MCRIP1: variants seen among roughly 807,000 people sequenced by gnomAD.
MCRIP1 encodes the protein MAPK regulated corepressor interacting protein 1, also known as mapk-regulated corepressor-interacting protein 1.
MCRIP1 carries 10 observed loss-of-function variants against 14.4 expected under a neutral mutation model. The ratio of observed to expected loss-of-function variants is 0.70; its 90% CI spans 0.43 to 1.18. The LOEUF (loss-of-function observed/expected upper bound fraction) is 1.18. Ranked by LOEUF, MCRIP1 falls within the 50% of genes most tolerant of loss-of-function variation. The probability of loss-of-function intolerance (pLI) is 0.00; values close to 1 mark genes in which losing one functional copy is unlikely to be tolerated. For synonymous variants in MCRIP1, 53 were observed against 55.7 expected, an observed-to-expected ratio of 0.95 and a Z score of 0.21; for missense variants, 119 against 135.4, an observed-to-expected ratio of 0.88 and a Z score of 0.60.
intron 1 of MCRIP1, among the ~76,000 whole-genome samples, chr17:81,827,905 C>G (rs1371050133): frequency 6.6e-6 from 1 of 150,848 alleles, no homozygotes; most frequent in Non-Finnish European, 1.5e-5. Flanking sequence ...CTCAGCCTCT[C>G]GAGTCGCTGG....
intron 1 of MCRIP1, among the ~76,000 whole-genome samples, chr17:81,831,822 TC>T (rs1324141983): frequency 3.3e-5 from 5 of 152,278 alleles, no homozygotes; most frequent in East Asian, 3.9e-4. Flanking sequence ...GTTTCTGGAC[TC>T]CCTGAAAGAC....
chr17:81,823,480 T>C lies in MCRIP1; in HGVS notation c.161A>G (p.Gln54Arg). The change falls in exon 4 of 5, where the codon CAG (glutamine) becomes CGG (arginine). Residue 54 changes from glutamine (Q) to arginine (R), a missense_variant. Physicochemically the swap from Gln to Arg is conservative, Grantham distance 43. Transcript: ENST00000455127. The surrounding 1 kb of genome is among the most constrained non-coding windows in gnomAD (Gnocchi z 6.0). ...CAGGCCCCGCTCGCCACCCGGCACC[T>C]GGCCTCGCAGGTCTCGCTCCACACC... is the stretch of plus-strand genomic sequence containing the variant. ...WQGVERDLRG[Q>R]VPGGERGLVE... 1 of 1,536,520 alleles carries C rather than the reference T, an allele frequency of 6.5e-7. No homozygotes were observed. The highest frequency in any genetic ancestry group is 8.7e-7 in the Non-Finnish European group (1 of 1,146,754).
intron 1 of MCRIP1, chr17:81,825,505 C>T: frequency 8.1e-7 from 1 of 1,231,202 alleles, no homozygotes; most frequent in Non-Finnish European, 1.0e-6. Context: ...CCCAGAGGCC[C>T]AAGGCTGCAG....
At chr17:81,826,680 G>T (rs145535411) in intron 1 of MCRIP1, 1 of 384,104 alleles carries the variant, frequency 2.6e-6, no homozygotes, top group East Asian at 5.1e-5. Context: ...TTAGTTGGGC[G>T]TGGTGGCAGG....
chr17:81,825,978 C>T (rs1308485997), intron 1 of MCRIP1: 9 of 1,331,364 alleles, frequency 6.8e-6, no homozygotes, highest in Admixed American at 4.5e-5. Flanking sequence ...CCCCCTGCCT[C>T]GCCCCCTGCT....
chr17:81,825,458 A>G (rs2038370975), intron 1 of MCRIP1: 2 of 1,195,448 alleles, frequency 1.7e-6, no homozygotes, highest in Admixed American at 6.9e-5. Context: ...CAGGATTCCC[A>G]GGAGGGGGCT....
At chr17:81,832,072 G>C (rs946185699) in intron 1 of MCRIP1, among the ~76,000 whole-genome samples, 3 of 152,160 alleles carry the variant, frequency 2.0e-5, no homozygotes, top group Non-Finnish European at 4.4e-5. Context: ...CTCCAGCAAC[G>C]TGACAATAGT....
chr17:81,828,481 T>C (rs1434942857), intron 1 of MCRIP1, among the ~76,000 whole-genome samples: 1 of 152,020 alleles, frequency 6.6e-6, no homozygotes, highest in Non-Finnish European at 1.5e-5. Context: ...GCACAACCTA[T>C]GACCCAGCCA....
Position 81,825,984 on chromosome 17 carries a change from C to G in MCRIP1, c.-48-1430G>C, listed in dbSNP as rs1567825347. ...ACTGGCCAGCCCCCTGCCTCGCCCC[C>G]TGCTGGCTCTCACCACTGACCGACT... On this transcript the variant is annotated intron_variant, in intron 1 of 4. Coordinates refer to ENST00000455127, the MANE Select transcript of MCRIP1 (RefSeq NM_207368.5). 3 of 1,340,172 alleles carry G rather than the reference C, an allele frequency of 2.2e-6. No homozygotes were observed. In the Admixed American group the frequency reaches 6.7e-5, roughly 30 times the overall value. The allele number at this position is 1,340,172 out of a possible 1,614,324, so 83.0% of individuals were successfully genotyped here.
intron 1 of MCRIP1, among the ~76,000 whole-genome samples, chr17:81,827,930 G>A (rs960209120): frequency 6.6e-6 from 1 of 151,548 alleles, no homozygotes; most frequent in Non-Finnish European, 1.5e-5. Flanking sequence ...ATAGGCGCCC[G>A]CCACCACGCC....
rs2038319857 is a variant in MCRIP1 at position 81,823,581 on chromosome 17, T to C, written c.128-68A>G. On this transcript the variant is annotated intron_variant, in intron 3 of 4. Transcript: ENST00000455127. The surrounding 1 kb of genome is among the most constrained non-coding windows in gnomAD (Gnocchi z 6.0). ...GGGGGTGGCATCCACGTCACGAGAG[T>C]GCCTGCCCTCAGCTCCTGCCCTCCC... The C allele has an allele frequency of 1.4e-5, 19 of 1,331,994 alleles. No homozygotes were observed. The East Asian group carries it at 1.8e-4, about 12-fold the overall frequency. The allele number at this position is 1,331,994 out of a possible 1,614,324, so 82.5% of individuals were successfully genotyped here. A position where few individuals can be genotyped will look rare whatever the true frequency, so the allele number is the denominator to read the frequency against.
At chr17:81,828,930 C>A (rs2038464559) in intron 1 of MCRIP1, among the ~76,000 whole-genome samples, 2 of 152,176 alleles carry the variant, frequency 1.3e-5, no homozygotes, top group African/African-American at 4.8e-5. Flanking sequence ...GGGGGGAGGG[C>A]AGGAAGTGTG....
At position 81,823,147 on chromosome 17, in the gene MCRIP1, G is replaced by A. The variant is rs899017988; in HGVS notation, c.*100C>T. ...CAGTGCTGGGATCTGCAGCCCGCTG[G>A]AGCAAGGCACCCCCATCCCAGGGGC... On this transcript the variant is annotated 3_prime_UTR_variant, in exon 5 of 5. Transcript: ENST00000455127. The surrounding 1 kb of genome is among the most constrained non-coding windows in gnomAD (Gnocchi z 6.0). 2.7e-5 allele frequency: 32 copies of A among 1,173,892 alleles called. No homozygotes were observed. Among genetic ancestry groups the A allele is most frequent in the Admixed American group, 1.6e-4 (8 of 50,288 alleles). 72.7% of individuals were successfully genotyped at this position (1,173,892 alleles called of 1,614,324 possible). A position where few individuals can be genotyped will look rare whatever the true frequency, so the allele number is the denominator to read the frequency against.
intron 1 of MCRIP1, among the ~76,000 whole-genome samples, chr17:81,832,039 T>C (rs189551157): frequency 2.1e-4 from 32 of 152,220 alleles, no homozygotes; most frequent in Middle Eastern, 3.4e-3. Context: ...GCCACATGCC[T>C]AAGAACAGGC....
At position 81,822,934 on chromosome 17, in the gene MCRIP1, A is replaced by T; in HGVS notation, c.*313T>A. 3.8e-6 allele frequency: 2 copies of T among 525,760 alleles called. No homozygotes were observed. The highest frequency in any genetic ancestry group is 6.8e-6 in the Non-Finnish European group (2 of 292,116). 32.6% of individuals were successfully genotyped at this position (525,760 alleles called of 1,614,324 possible). The stretch of plus-strand genomic sequence containing the variant: ...TGCAGTGGCCAGGGGCAGGAGGGTG[A>T]GGGGAGAGGAGAGAGGTCAGGTCAG... On this transcript the variant is annotated 3_prime_UTR_variant, in exon 5 of 5. Transcript: ENST00000455127.
chr17:81,824,769 C>T (rs922294615), intron 1 of MCRIP1: 16 of 1,419,408 alleles, frequency 1.1e-5, no homozygotes, highest in African/African-American at 5.8e-5. Context: ...GCTGGCCAGA[C>T]GAGCCAGACA....
intron 1 of MCRIP1, chr17:81,826,493 A>C (rs1181616007): frequency 2.4e-6 from 2 of 818,234 alleles, no homozygotes; most frequent in Non-Finnish European, 3.8e-6. Context: ...ACTGCACTCC[A>C]GCCCAGGCAA....
rs746146419 is a variant in MCRIP1 at position 81,824,257 on chromosome 17, G to C, written c.127+30C>G. 3 of 1,493,208 alleles carry C rather than the reference G, an allele frequency of 2.0e-6. No individual in the cohort carries two copies. In the Admixed American group the frequency reaches 5.9e-5, roughly 29 times the overall value. 92.5% of individuals were successfully genotyped at this position (1,493,208 alleles called of 1,614,324 possible). The stretch of plus-strand genomic sequence containing the variant: ...CAGAGCTGACTCCGTCAAGGACAGG[G>C]CAGGAGCTGTGTGTGGCAGGCGCAC... On this transcript the variant is annotated intron_variant, in intron 3 of 4. Coordinates refer to ENST00000455127, the MANE Select transcript of MCRIP1 (RefSeq NM_207368.5).
intron 1 of MCRIP1, among the ~76,000 whole-genome samples, chr17:81,829,632 T>C (rs529060789): frequency 2.0e-5 from 3 of 152,346 alleles, no homozygotes; most frequent in Non-Finnish European, 2.9e-5. Context: ...CTGTAAAATA[T>C]AGCGCAGCTC....
Sources: allele counts gnomAD v4.1 joint callset (sites outside exome capture counted in the v4.1 genomes callset), GRCh38; gene constraint gnomAD v4.1.1; non-coding constraint Gnocchi (gnomAD v3.1); transcripts MANE v1.5; gene names NCBI Gene and HGNC (gene_info 2026-07-23, HGNC 2026-07-21).